Variants in CRADD observed in about 807,000 individuals in gnomAD.
CRADD encodes death domain-containing protein CRADD.
In CRADD, 9 loss-of-function variants were observed where a neutral mutation model predicts 15.5. The ratio of observed to expected loss-of-function variants is 0.58; its 90% CI spans 0.35 to 1.01. The LOEUF (loss-of-function observed/expected upper bound fraction) is 1.01, where lower values mean the gene tolerates loss of function less well. CRADD is among the 50% of genes least tolerant of loss of function. The pLI, the probability that CRADD is intolerant of heterozygous loss-of-function variation, is 0.02. For missense variants in CRADD, 227 were observed against 250.3 expected, an observed-to-expected ratio of 0.91 and a Z score of 0.63; for synonymous variants, 118 against 107.6, an observed-to-expected ratio of 1.10 and a Z score of -0.60.
Position 93,850,198 on chromosome 12 carries a change from C to T in CRADD, c.527C>T (p.Thr176Ile), listed in dbSNP as rs1958199451. 1.9e-6 allele frequency: 3 copies of T among 1,613,268 alleles called. No individual in the cohort carries two copies. The highest frequency in any genetic ancestry group is 2.5e-6 in the Non-Finnish European group (3 of 1,179,610). ...RWRQRFGKQA[T>I]FQSLHNGLRA... Reference sequence around the variant, plus strand: ...CGGCAGCGCTTCGGGAAGCAGGCCACCTTCCAGAGCCTGCACAACGGGCTG... The same window carrying T: ...CGGCAGCGCTTCGGGAAGCAGGCCATCTTCCAGAGCCTGCACAACGGGCTG... The change falls in exon 3 of 3, where the codon ACC becomes ATC. Residue 176 changes from threonine (T) to isoleucine (I), a missense_variant. By Grantham distance (89) the Thr-to-Ile change is moderately conservative. Coordinates refer to ENST00000332896, the MANE Select transcript of CRADD (RefSeq NM_003805.5). The surrounding 1 kb of genome is among the most constrained non-coding windows in gnomAD (Gnocchi z 4.0).
intron 2 of CRADD, among the ~76,000 whole-genome samples, chr12:93,845,762 T>C (rs940504531): frequency 3.3e-5 from 5 of 152,104 alleles, no homozygotes; most frequent in African/African-American, 1.2e-4. Flanking sequence ...ACAATGGGAT[T>C]CTTTTAATTT....
At chr12:93,769,903 G>A (rs939237227) in intron 2 of CRADD, among the ~76,000 whole-genome samples, 2 of 152,052 alleles carry the variant, frequency 1.3e-5, no homozygotes, top group Non-Finnish European at 2.9e-5. Flanking sequence ...TTCCTTTGTT[G>A]GTTATATGTG....
chr12:93,842,485 C>T lies in CRADD; in HGVS notation c.299-7485C>T, dbSNP rs528924936. 3.3e-5 allele frequency among the ~76,000 whole-genome samples: 5 copies of T among 152,118 alleles called. No individual in the cohort carries two copies. In the South Asian group the frequency reaches 6.2e-4, roughly 19 times the overall value. Reference sequence around the variant, plus strand: ...GATCATCAGCTCCTGGAAAGGTGTACGTTGAGTTCCCTTTTGTGCTAGGCA... The same window carrying T: ...GATCATCAGCTCCTGGAAAGGTGTATGTTGAGTTCCCTTTTGTGCTAGGCA... On this transcript the variant is annotated intron_variant, in intron 2 of 2. Transcript: ENST00000332896.
At chr12:93,723,258 G>A (rs1956296579) in intron 2 of CRADD, among the ~76,000 whole-genome samples, 1 of 152,186 alleles carries the variant, frequency 6.6e-6, no homozygotes, top group South Asian at 2.1e-4. Context: ...TAGAAATTCT[G>A]GCTCAGGAGT....
chr12:93,780,389 C>T (rs914775143), intron 2 of CRADD, among the ~76,000 whole-genome samples: 2 of 152,232 alleles, frequency 1.3e-5, no homozygotes, highest in Middle Eastern at 3.4e-3. Flanking sequence ...GGCAGGCGTG[C>T]GCGGTAGATA....
chr12:93,708,007 C>T (rs1233836077), intron 2 of CRADD: 1 of 152,194 alleles, frequency 6.6e-6, no homozygotes, highest in Non-Finnish European at 1.5e-5. Context: ...TGTCAGTCCT[C>T]TGAGTCATTG....
rs1477799027 is a variant in CRADD at position 93,824,246 on chromosome 12, G to A, written c.299-25724G>A. On this transcript the variant is annotated intron_variant, in intron 2 of 2. Transcript: ENST00000332896. This position sits in a 1 kb window ranked among gnomAD's most constrained non-coding sequence, Gnocchi z 4.3. ...TCAGTGTCTCAGCATACTTTCCAAT[G>A]CTTCCAGTAATGGATTGTGCAAAAC... 6.5e-4 allele frequency among the ~76,000 whole-genome samples: 99 copies of A among 152,140 alleles called. No homozygotes were observed. Among genetic ancestry groups the A allele is most frequent in the Admixed American group, 6.5e-3 (99 of 15,268 alleles).
chr12:93,886,326 A>G (rs1053904594), intron 2 of CRADD, among the ~76,000 whole-genome samples: 5 of 151,898 alleles, frequency 3.3e-5, no homozygotes, highest in African/African-American at 1.2e-4. Context: ...AAACCTGGCT[A>G]ATTTTTATAT....
intron 2 of CRADD, among the ~76,000 whole-genome samples, chr12:93,743,263 T>A (rs1956704659): frequency 6.6e-6 from 1 of 152,206 alleles, no homozygotes. Context: ...GGGATCTTTT[T>A]ATAACATTTC....
At chr12:93,812,300 C>A (rs1448353287) in intron 2 of CRADD, among the ~76,000 whole-genome samples, 1 of 152,076 alleles carries the variant, frequency 6.6e-6, no homozygotes, top group Admixed American at 6.6e-5. Flanking sequence ...GAAGAAGGAA[C>A]CCTAATGTCA....
At chr12:93,829,621 CTGAT>C (rs1282103018) in intron 2 of CRADD, among the ~76,000 whole-genome samples, 4 of 152,224 alleles carry the variant, frequency 2.6e-5, no homozygotes, top group African/African-American at 9.6e-5. Flanking sequence ...TGTGCAGCCT[CTGAT>C]GGATGGGCTC....
chr12:93,687,872 A>T (rs1048855507), intron 2 of CRADD, among the ~76,000 whole-genome samples: 1 of 152,170 alleles, frequency 6.6e-6, no homozygotes, highest in African/African-American at 2.4e-5. Flanking sequence ...CTCTATGGGG[A>T]TATATAGGCT....
intron 2 of CRADD, among the ~76,000 whole-genome samples, chr12:93,861,426 A>G (rs1330623557): frequency 6.6e-6 from 1 of 152,252 alleles, no homozygotes; most frequent in East Asian, 1.9e-4. Context: ...TTCAGGAATT[A>G]AACATTTATT....
intron 2 of CRADD, among the ~76,000 whole-genome samples, chr12:93,701,291 C>G (rs1006618329): frequency 8.0e-6 from 1 of 125,234 alleles, no homozygotes; most frequent in African/African-American, 3.2e-5. Flanking sequence ...CTCTCTCTCT[C>G]TGTGACACAC....
At position 93,732,010 on chromosome 12, in the gene CRADD, C is replaced by T. The variant is rs561109256; in HGVS notation, c.298+52938C>T. On this transcript the variant is annotated intron_variant, in intron 2 of 2. Coordinates refer to ENST00000332896, the MANE Select transcript of CRADD (RefSeq NM_003805.5). ...AATTAGCCAGGCATGGTGATGGGTGCCTGTAATCCCAGCTACTTGGGAGGC... is the reference window on the plus strand; with the variant it reads ...AATTAGCCAGGCATGGTGATGGGTGTCTGTAATCCCAGCTACTTGGGAGGC... Among the ~76,000 whole-genome samples the T allele has an allele frequency of 3.3e-5, 5 of 152,180 alleles. No individual in the cohort carries two copies. In the East Asian group the frequency reaches 7.7e-4, roughly 24 times the overall value.
chr12:93,860,624 CG>C (rs1958313041), intron 2 of CRADD, among the ~76,000 whole-genome samples: 2 of 152,104 alleles, frequency 1.3e-5, no homozygotes, highest in Admixed American at 1.3e-4. Context: ...GGGAGGGAGC[CG>C]TGCTGAGGCC....
chr12:93,796,381 G>A (rs564945622), intron 2 of CRADD, among the ~76,000 whole-genome samples: 1 of 152,046 alleles, frequency 6.6e-6, no homozygotes, highest in African/African-American at 2.4e-5. Flanking sequence ...AAGGCAGGTG[G>A]ATCACTTGAG....
At chr12:93,767,060 G>A (rs1772357533) in intron 2 of CRADD, among the ~76,000 whole-genome samples, 1 of 152,172 alleles carries the variant, frequency 6.6e-6, no homozygotes, top group South Asian at 2.1e-4. Flanking sequence ...CTCGGGCCTT[G>A]TCCTTTCTGT....
In CRADD at chr12:93,748,276, G is replaced by A. The variant is rs192766905; in HGVS notation, c.298+69204G>A. The stretch of plus-strand genomic sequence containing the variant: ...AGGGAGCCACAGTGCAGCTGTGAAG[G>A]GGAGGAAACAGGCTTCTTCTTTTTT... On this transcript the variant is annotated intron_variant, in intron 2 of 2. Transcript: ENST00000332896. Among the ~76,000 whole-genome samples the A allele has an allele frequency of 2.0e-4, 31 of 152,278 alleles. No individual in the cohort carries two copies. The East Asian group carries it at 5.4e-3, about 27-fold the overall frequency.
Sources: allele counts gnomAD v4.1 joint callset (sites outside exome capture counted in the v4.1 genomes callset), GRCh38; gene constraint gnomAD v4.1.1; non-coding constraint Gnocchi (gnomAD v3.1); transcripts MANE v1.5; gene names NCBI Gene and HGNC (gene_info 2026-07-23, HGNC 2026-07-21).